GSDMC: variants seen among roughly 807,000 people sequenced by gnomAD.
GSDMC encodes the protein gasdermin-C.
In GSDMC, 59 loss-of-function variants were observed where a neutral mutation model predicts 58.0. The ratio of observed to expected loss-of-function variants is 1.02; its 90% CI spans 0.82 to 1.26. The LOEUF (loss-of-function observed/expected upper bound fraction) is 1.26. GSDMC is among the 50% of genes most tolerant of loss of function. GSDMC has a pLI of 0.00. For synonymous variants in GSDMC, 241 were observed against 220.2 expected (o/e 1.09, Z -0.83); for missense variants, 659 against 598.5 (o/e 1.10, Z -1.06).
At chr8:129,778,831 A>G (rs2034324719) in intron 1 of GSDMC, among the ~76,000 whole-genome samples, 1 of 151,922 alleles carries the variant, frequency 6.6e-6, no homozygotes, top group African/African-American at 2.4e-5. Context: ...GAAGACATAC[A>G]TGTGGCCAAC....
At chr8:129,729,652 A>G in the GSDMC span, 3 of 359,112 alleles carry the variant, frequency 8.4e-6, no homozygotes, top group Admixed American at 4.3e-5. Context: ...ATCCTTTTTT[A>G]TGGCTGCATA....
chr8:129,746,413 GA>G (rs905559951), downstream of GSDMC, among the ~76,000 whole-genome samples: 15 of 151,726 alleles, frequency 9.9e-5, no homozygotes, highest in Admixed American at 1.3e-4. Context: ...GAATGCAGAC[GA>G]AAAAAAATCA....
At chr8:129,760,044 A>G (rs76848043) in intron 6 of GSDMC, among the ~76,000 whole-genome samples, 3,438 of 152,306 alleles carry the variant, frequency 0.023, 124 homozygotes, top group African/African-American at 0.076. Flanking sequence ...AAAATGAATG[A>G]GATCCTATTA....
the GSDMC span, chr8:129,729,992 GGA>G: frequency 6.7e-7 from 1 of 1,486,872 alleles, no homozygotes; most frequent in South Asian, 1.2e-5. Flanking sequence ...AGTGCTGTCC[GGA>G]TAGTTCATCT....
the GSDMC span, among the ~76,000 whole-genome samples, chr8:129,741,620 A>T: frequency 6.6e-6 from 1 of 152,146 alleles, no homozygotes; most frequent in Non-Finnish European, 1.5e-5. Context: ...CTATTAGCAG[A>T]TAAATGAAAG....
chr8:129,739,789 A>T, the GSDMC span, among the ~76,000 whole-genome samples: 7 of 152,166 alleles, frequency 4.6e-5, no homozygotes, highest in Admixed American at 2.0e-4. Context: ...TTTACTATAG[A>T]TTGTTATTTT....
chr8:129,710,307 C>T, the GSDMC span, among the ~76,000 whole-genome samples: 1 of 152,118 alleles, frequency 6.6e-6, no homozygotes, highest in South Asian at 2.1e-4. Context: ...GGCACGTACC[C>T]AAAACTTGCT....
Position 129,786,014 on chromosome 8 carries a change from A to G in GSDMC, c.-8T>C, listed in dbSNP as rs138238003. 1.7e-4 allele frequency: 26 copies of G among 152,250 alleles called. No individual in the cohort carries two copies. The highest frequency in any genetic ancestry group is 6.0e-4 in the African/African-American group (25 of 41,550). The allele number at this position is 152,250 out of a possible 1,614,324, so 9.4% of individuals were successfully genotyped here. A position where few individuals can be genotyped will look rare whatever the true frequency, so the allele number is the denominator to read the frequency against. Reference sequence around the variant, plus strand: ...CCCTGATCCCATTAGGACTTACCAGATTATATATCCCTTTGTCCTGTAGAG... The same window carrying G: ...CCCTGATCCCATTAGGACTTACCAGGTTATATATCCCTTTGTCCTGTAGAG... On this transcript the variant is annotated 5_prime_UTR_variant, in exon 1 of 14. Coordinates refer to ENST00000276708, the MANE Select transcript of GSDMC (RefSeq NM_031415.3).
intron 3 of GSDMC, among the ~76,000 whole-genome samples, chr8:129,771,913 A>G (rs1419491511): frequency 6.6e-6 from 1 of 152,244 alleles, no homozygotes; most frequent in Non-Finnish European, 1.5e-5. Context: ...AAACACCTAC[A>G]TTAAGAAAAT....
In GSDMC at chr8:129,752,723, T is replaced by TG. The variant is rs777780803; in HGVS notation, c.818dup (p.Ser274IlefsTer3). On this transcript the variant is annotated frameshift_variant, in exon 7 of 14. Transcript: ENST00000276708. LOFTEE classifies it high-confidence loss of function. Reference sequence around the variant, plus strand: ...CTGGTTTTAACTTCATATCATTGGATGAGGCATTGAAGAGGGTTGGAGAGA... The same window carrying TG: ...CTGGTTTTAACTTCATATCATTGGATGGAGGCATTGAAGAGGGTTGGAGAGA... 2.5e-6 allele frequency: 4 copies of TG among 1,614,206 alleles called. No individual in the cohort carries two copies. In the Admixed American group the frequency reaches 6.7e-5, roughly 27 times the overall value.
At chr8:129,757,796 G>A (rs1330662865) in intron 6 of GSDMC, among the ~76,000 whole-genome samples, 1 of 152,064 alleles carries the variant, frequency 6.6e-6, no homozygotes, top group Non-Finnish European at 1.5e-5. Flanking sequence ...TTTGAGACCA[G>A]CCTGGGCAAC....
chr8:129,767,157 C>T (rs1430481915), intron 3 of GSDMC, among the ~76,000 whole-genome samples: 1 of 152,150 alleles, frequency 6.6e-6, no homozygotes, highest in Non-Finnish European at 1.5e-5. Flanking sequence ...AGAGCCCAAC[C>T]TAAGTTCCTT....
chr8:129,760,422 C>A, intron 6 of GSDMC, 123 bp downstream of exon 6: 1 of 544,312 alleles, frequency 1.8e-6, no homozygotes. Context: ...ACTCCATTTT[C>A]CATTATGTGA....
the GSDMC span, among the ~76,000 whole-genome samples, chr8:129,727,201 G>C: frequency 1.3e-5 from 2 of 152,132 alleles, no homozygotes; most frequent in Admixed American, 6.5e-5. Flanking sequence ...CATGACTTAC[G>C]ATGGACATAT....
intron 6 of GSDMC, among the ~76,000 whole-genome samples, chr8:129,758,117 G>A (rs376299038): frequency 5.7e-4 from 87 of 152,202 alleles, no homozygotes; most frequent in Middle Eastern, 3.4e-3. Context: ...GACAAAAACC[G>A]TATGATCATT....
the GSDMC span, among the ~76,000 whole-genome samples, chr8:129,710,385 G>A: frequency 3.9e-5 from 6 of 152,178 alleles, no homozygotes; most frequent in Admixed American, 3.3e-4. Flanking sequence ...CGGCCAACAT[G>A]TGTTCTGCAT....
At chr8:129,752,999 T>A in intron 6 of GSDMC, 179 bp from the exon 7 acceptor site, 2 of 1,165,932 alleles carry the variant, frequency 1.7e-6, no homozygotes, top group Non-Finnish European at 2.3e-6. Flanking sequence ...CTCAAGTTTC[T>A]TGGCAAGCCT....
At chr8:129,756,419 AAG>A (rs1430255652) in intron 6 of GSDMC, among the ~76,000 whole-genome samples, 1 of 152,100 alleles carries the variant, frequency 6.6e-6, no homozygotes, top group African/African-American at 2.4e-5. Context: ...GAGAGAGCTA[AAG>A]AGAGATTATT....
the GSDMC span, among the ~76,000 whole-genome samples, chr8:129,736,520 G>A: frequency 1.5e-4 from 23 of 152,110 alleles, no homozygotes; most frequent in African/African-American, 5.1e-4. Context: ...TCACATAAAC[G>A]GAACCATCGA....
Sources: gnomAD v4.1 joint callset for allele counts (sites outside exome capture counted in the v4.1 genomes callset) on GRCh38, gnomAD v4.1.1 for gene constraint, MANE v1.5 for transcripts, NCBI Gene and HGNC (gene_info 2026-07-23, HGNC 2026-07-21) for gene names.